KLC2: variants seen among roughly 807,000 people sequenced by gnomAD.
KLC2 encodes KLC 2.
In KLC2, 35 loss-of-function variants were observed where a neutral mutation model predicts 75.1. The observed-to-expected ratio is 0.47, with a 90% CI of 0.36 to 0.62. The LOEUF is 0.62. Ranked by LOEUF, KLC2 falls within the 20% of genes least tolerant of loss-of-function variation. The pLI is 0.00. For synonymous variants in KLC2, 314 were observed against 336.7 expected, an observed-to-expected ratio of 0.93 and a Z score of 0.74; for missense variants, 611 against 833.2, an observed-to-expected ratio of 0.73 and a Z score of 3.28.
At chr11:66,266,293 A>G in intron 14 of KLC2, 76 bp downstream of exon 14, 1 of 1,528,590 alleles carries the variant, frequency 6.5e-7, no homozygotes, top group East Asian at 2.3e-5. Flanking sequence ...AGTGTGCCCC[A>G]CTGACCCCAG....
chr11:66,246,724 C>T, the KLC2 span, among the ~76,000 whole-genome samples: 1 of 152,218 alleles, frequency 6.6e-6, no homozygotes, highest in Non-Finnish European at 1.5e-5. Context: ...CTGCCCACTC[C>T]CTTCCAGTTT....
At position 66,265,924 on chromosome 11, in the gene KLC2, G is replaced by A. The variant is rs757724338; in HGVS notation, c.1514G>A (p.Arg505His). ...GATGGCAGTGGCAGGCGGGGAGACCGCCGCAGCAGCCGAGACATGGCTGGG... is the reference window on the plus strand; with the variant it reads ...GATGGCAGTGGCAGGCGGGGAGACCACCGCAGCAGCCGAGACATGGCTGGG... Reference protein sequence around the residue: ...LKDGSGRRGDRRSSRDMAGGA... With the variant: ...LKDGSGRRGDHRSSRDMAGGA... Residue 505 changes from arginine (R) to histidine (H), a missense_variant, in exon 13 of 16, where the codon CGC becomes CAC. Transcript: ENST00000394067. 15 of 1,585,888 alleles carry A rather than the reference G, an allele frequency of 9.5e-6. No individual in the cohort carries two copies. Among genetic ancestry groups the A allele is most frequent in the Admixed American group, 6.9e-5 (4 of 58,180 alleles).
chr11:66,263,924 G>C lies in KLC2; in HGVS notation c.914G>C (p.Cys305Ser). The C allele has an allele frequency of 6.2e-7, 1 of 1,614,214 alleles. No homozygotes were observed. Among genetic ancestry groups the C allele is most frequent in the Non-Finnish European group, 8.5e-7 (1 of 1,180,032 alleles). ...AAGTACAAGGAGGCTGAGCCATTGT[G>C]CAAGCGGGCACTGGAGATCCGGGAG... ...RGKYKEAEPL[C>S]KRALEIREKV... The change falls in exon 7 of 16, where the codon TGC (cysteine) becomes TCC (serine). Residue 305 changes from cysteine to serine, a missense_variant. Cys to Ser is a moderately radical substitution (Grantham distance 112, BLOSUM62 -1). Coordinates refer to ENST00000394067, the MANE Select transcript of KLC2 (RefSeq NM_001318734.2).
chr11:66,262,759 C>T, intron 4 of KLC2, 55 bp from the exon 5 acceptor site: 1 of 1,348,360 alleles, frequency 7.4e-7, no homozygotes, highest in Non-Finnish European at 1.0e-6. Context: ...TGGCATGTGC[C>T]ATCCCAGTCC....
chr11:66,263,171 C>T, intron 5 of KLC2, 135 bp downstream of exon 5: 1 of 656,048 alleles, frequency 1.5e-6, no homozygotes, highest in South Asian at 1.8e-5. Flanking sequence ...GTAAAACTGT[C>T]TAGTGTAAGA....
chr11:66,265,029 A>G lies in KLC2; in HGVS notation c.1223A>G (p.Asn408Ser). The G allele has an allele frequency of 6.2e-7, 1 of 1,613,388 alleles. No homozygotes were observed. Among genetic ancestry groups the G allele is most frequent in the Non-Finnish European group, 8.5e-7 (1 of 1,179,544 alleles). Residue 408 changes from asparagine (N) to serine (S), a missense_variant, in exon 10 of 16, where the codon AAC (asparagine) becomes AGC (serine). Transcript: ENST00000394067. The stretch of plus-strand genomic sequence containing the variant: ...GTCCCCTTTCTCTCCCCAGGGGACA[A>G]CAAGCCCATCTGGATGCACGCAGAG... Reference protein sequence around the residue: ...EKEFGSVNGDNKPIWMHAEER... With the variant: ...EKEFGSVNGDSKPIWMHAEER...
At chr11:66,258,015 G>C (rs1590854198) in intron 1 of KLC2, 144 bp downstream of exon 1, 1 of 153,506 alleles carries the variant, frequency 6.5e-6, no homozygotes, top group East Asian at 1.9e-4. Flanking sequence ...GCGGTCCCGG[G>C]TGGCCCGGGG....
In KLC2 at chr11:66,267,755, C is replaced by T; in HGVS notation, c.*799C>T. The T allele has an allele frequency of 2.2e-6, 1 of 459,144 alleles. No homozygotes were observed. The highest frequency in any genetic ancestry group is 3.8e-6 in the Non-Finnish European group (1 of 261,860). The allele number at this position is 459,144 out of a possible 1,614,324, so 28.4% of individuals were successfully genotyped here. On this transcript the variant is annotated 3_prime_UTR_variant, in exon 16 of 16. Coordinates refer to ENST00000394067, the MANE Select transcript of KLC2 (RefSeq NM_001318734.2). Reference sequence around the variant, plus strand: ...CACGCCTGCAGCTTCTCGCGAGGGGCGGCGACGGTCCCCTGGTGGCAGGAG... The same window carrying T: ...CACGCCTGCAGCTTCTCGCGAGGGGTGGCGACGGTCCCCTGGTGGCAGGAG...
chr11:66,249,734 T>C, the KLC2 span, among the ~76,000 whole-genome samples: 1 of 152,098 alleles, frequency 6.6e-6, no homozygotes, highest in East Asian at 1.9e-4. Context: ...AGACTTCACA[T>C]GGCCAAAGCA....
chr11:66,266,222 G>GC lies in KLC2; in HGVS notation c.1727+11dup, dbSNP rs760067166. 30 of 1,596,328 alleles carry GC rather than the reference G, an allele frequency of 1.9e-5. No individual in the cohort carries two copies. The highest frequency in any genetic ancestry group is 1.6e-4 in the South Asian group (14 of 89,608). ...CCAGGAGCCCCCTAACCCCAGGTGA[G>GC]CCCCCCACCAAGGTGAGCCTCAAGA... is the stretch of plus-strand genomic sequence containing the variant. On this transcript the variant is annotated splice_donor_region_variant and intron_variant, in intron 14 of 15. Coordinates refer to ENST00000394067, the MANE Select transcript of KLC2 (RefSeq NM_001318734.2).
intron 5 of KLC2, 44 bp from the exon 6 acceptor site, chr11:66,263,616 T>A: frequency 7.2e-7 from 1 of 1,392,472 alleles, no homozygotes; most frequent in Non-Finnish European, 1.0e-6. Context: ...GGGGAGGGCC[T>A]TGAGCTGGAG....
In KLC2 at chr11:66,258,998, C is replaced by T. The variant is rs539595950; in HGVS notation, c.228+176C>T. On this transcript the variant is annotated intron_variant, in intron 2 of 15. Coordinates refer to ENST00000394067, the MANE Select transcript of KLC2 (RefSeq NM_001318734.2). ...TAAATGCACTTTGGCGACCCCAGCC[C>T]TGCCCTAAGAGACCATGATCACCCT... is the stretch of plus-strand genomic sequence containing the variant. Among the ~76,000 whole-genome samples the T allele has an allele frequency of 1.5e-4, 23 of 152,322 alleles. 1 individual carries two copies. In the East Asian group the frequency reaches 3.3e-3, roughly 22 times the overall value.
At chr11:66,251,973 GGA>G in the KLC2 span, among the ~76,000 whole-genome samples, 545 of 152,298 alleles carry the variant, frequency 3.6e-3, 4 homozygotes, top group African/African-American at 0.012. Context: ...CTGACGCTGG[GGA>G]GAGGTGAGCT....
In KLC2 at chr11:66,267,229, A is replaced by T; in HGVS notation, c.*273A>T. 6.6e-7 allele frequency: 1 copy of T among 1,515,530 alleles called. No individual in the cohort carries two copies. The allele number at this position is 1,515,530 out of a possible 1,614,324, so 93.9% of individuals were successfully genotyped here. A position where few individuals can be genotyped will look rare whatever the true frequency, so the allele number is the denominator to read the frequency against. ...AGGTGCCGGCTGGAGTCTCCACCAT[A>T]GACTCAGTGGCCTGGCCTCCCCAGA... is the stretch of plus-strand genomic sequence containing the variant. On this transcript the variant is annotated 3_prime_UTR_variant, in exon 16 of 16. Transcript: ENST00000394067.
At chr11:66,253,912 T>C (rs529435239), upstream of KLC2, among the ~76,000 whole-genome samples, 94 of 152,298 alleles carry the variant, frequency 6.2e-4, no homozygotes, top group Non-Finnish European at 8.1e-4. Flanking sequence ...CAAAGGGAGA[T>C]TGAGAAGTGT....
rs750240591 is a variant in KLC2 at position 66,265,701 on chromosome 11, C to T, written c.1381C>T (p.Arg461Cys). 3.7e-6 allele frequency: 6 copies of T among 1,613,786 alleles called. No individual in the cohort carries two copies. The highest frequency in any genetic ancestry group is 2.2e-5 in the East Asian group (1 of 44,894). ...TLRSLGALYR[R>C]QGKLEAAHTL... The stretch of plus-strand genomic sequence containing the variant: ...GCGCAGCTTGGGGGCCCTATACCGG[C>T]GCCAGGGCAAGCTGGAAGCCGCGCA... The change falls in exon 12 of 16, where the codon CGC becomes TGC. Residue 461 changes from arginine (R) to cysteine (C), a missense_variant. Physicochemically the swap from Arg to Cys is radical, Grantham distance 180 (BLOSUM62 -3). Coordinates refer to ENST00000394067, the MANE Select transcript of KLC2 (RefSeq NM_001318734.2).
chr11:66,249,466 TC>T, the KLC2 span, among the ~76,000 whole-genome samples: 1 of 152,172 alleles, frequency 6.6e-6, no homozygotes, highest in Non-Finnish European at 1.5e-5. Context: ...GCCACCCCTT[TC>T]ACCTGCCGTG....
Position 66,258,598 on chromosome 11 carries a change from G to C in KLC2, c.4G>C (p.Ala2Pro). M[A>P]MMVFPREEKL... ...CGTCCTCACAGACGCCACAGCCATG[G>C]CCATGATGGTGTTTCCGCGGGAGGA... Residue 2 changes from alanine (A) to proline (P), a missense_variant, in exon 2 of 16, where the codon GCC becomes CCC. Ala to Pro is a conservative substitution (Grantham distance 27). Transcript: ENST00000394067. The C allele has an allele frequency of 1.2e-6, 2 of 1,612,216 alleles. No individual in the cohort carries two copies. Among genetic ancestry groups the C allele is most frequent in the Non-Finnish European group, 1.7e-6 (2 of 1,178,670 alleles).
In KLC2 at chr11:66,267,657, A is replaced by AC; in HGVS notation, c.*704dup. 1 of 259,802 alleles carries AC rather than the reference A, an allele frequency of 3.8e-6. No individual in the cohort carries two copies. Among genetic ancestry groups the AC allele is most frequent in the Non-Finnish European group, 7.1e-6 (1 of 140,264 alleles). 16.1% of individuals were successfully genotyped at this position (259,802 alleles called of 1,614,324 possible). ...CCCGGCCTTATGCACTGCCCCTCCC[A>AC]CCCGGCCCCGCCCAGGCACGGCCGA... is the stretch of plus-strand genomic sequence containing the variant. On this transcript the variant is annotated 3_prime_UTR_variant, in exon 16 of 16. Coordinates refer to ENST00000394067, the MANE Select transcript of KLC2 (RefSeq NM_001318734.2).
Sources: allele counts gnomAD v4.1 joint callset (sites outside exome capture counted in the v4.1 genomes callset), GRCh38; gene constraint gnomAD v4.1.1; transcripts MANE v1.5; gene names NCBI Gene and HGNC (gene_info 2026-07-23, HGNC 2026-07-21).